The following INPP5D variants were observed in gnomAD, a reference collection of about 807,000 sequenced individuals.
INPP5D encodes phosphatidylinositol 3,4,5-trisphosphate 5-phosphatase 1.
A neutral mutation model predicts 122.9 loss-of-function variants in INPP5D; 33 were observed. The observed-to-expected ratio is 0.27, with a 90% CI of 0.20 to 0.36. The LOEUF is 0.36. Ranked by LOEUF, INPP5D falls within the 10% of genes least tolerant of loss-of-function variation. INPP5D has a pLI of 1.00. For missense variants in INPP5D, 1,053 were observed against 1,412.7 expected (o/e 0.75, Z 4.08); for synonymous variants, 584 against 576.2 (o/e 1.01, Z -0.19).
intron 2 of INPP5D, among the ~76,000 whole-genome samples, chr2:233,114,819 G>A (rs2106247432): frequency 6.6e-6 from 1 of 151,984 alleles, no homozygotes; most frequent in Non-Finnish European, 1.5e-5. Flanking sequence ...TGAAACAAAT[G>A]CTTTGGTGTG....
chr2:233,063,142 C>T (rs771355749), intron 1 of INPP5D, among the ~76,000 whole-genome samples: 77 of 152,226 alleles, frequency 5.1e-4, no homozygotes, highest in Admixed American at 1.3e-4. Context: ...GCAGGGCAGC[C>T]GGGTTTTCTG....
At chr2:233,204,784 G>T in intron 26 of INPP5D, 67 bp downstream of exon 26, 1 of 1,441,558 alleles carries the variant, frequency 6.9e-7, no homozygotes, top group Non-Finnish European at 9.1e-7. Context: ...GCGTATGTGT[G>T]TACCTATGCA....
At chr2:233,085,008 C>G (rs1268027076) in intron 2 of INPP5D, among the ~76,000 whole-genome samples, 1 of 152,218 alleles carries the variant, frequency 6.6e-6, no homozygotes, top group Admixed American at 6.5e-5. Flanking sequence ...TCTACACATT[C>G]AAGAGTAATT....
At chr2:233,185,321 G>A (rs138924400) in intron 20 of INPP5D, among the ~76,000 whole-genome samples, 188 of 152,234 alleles carry the variant, frequency 1.2e-3, no homozygotes, top group Non-Finnish European at 2.1e-3. Context: ...GTGCTAGAGC[G>A]GCCTTTGTCA....
intron 2 of INPP5D, among the ~76,000 whole-genome samples, chr2:233,097,221 G>T (rs1692168871): frequency 6.6e-6 from 1 of 152,224 alleles, no homozygotes; most frequent in African/African-American, 2.4e-5. Flanking sequence ...TCTTGACCCA[G>T]CTGCATAGGT....
At position 233,160,824 on chromosome 2, in the gene INPP5D, A is replaced by G. The variant is rs1436848669; in HGVS notation, c.1138-900A>G. Among the ~76,000 whole-genome samples the G allele has an allele frequency of 6.6e-6, 1 of 152,092 alleles. No individual in the cohort carries two copies. The highest frequency in any genetic ancestry group is 1.9e-4 in the East Asian group (1 of 5,176). ...TAATTTTTTTATTTTTTGTAGAGGC[A>G]GGGTTCCCCTATGTTGCCCAGGCTG... On this transcript the variant is annotated intron_variant, in intron 10 of 26. Coordinates refer to ENST00000445964, the MANE Select transcript of INPP5D (RefSeq NM_001017915.3). This position sits in a 1 kb window ranked among gnomAD's most constrained non-coding sequence, Gnocchi z 4.2.
At position 233,198,146 on chromosome 2, in the gene INPP5D, C is replaced by T; in HGVS notation, c.2745C>T (p.Tyr915=). Residue 915 remains tyrosine (Y), a synonymous_variant, in exon 25 of 27, where the codon TAC becomes TAT. Coordinates refer to ENST00000445964, the MANE Select transcript of INPP5D (RefSeq NM_001017915.3). ...TCACTGAAATCATCAACCCCAACTA[C>T]ATGGGAGTGGGGCCCTTTGGGCCAC... The part of the protein sequence containing the change: ...SSITEIINPN[Y]MGVGPFGPPM... 6.2e-7 allele frequency: 1 copy of T among 1,613,272 alleles called. No homozygotes were observed. Among genetic ancestry groups the T allele is most frequent in the Non-Finnish European group, 8.5e-7 (1 of 1,179,838 alleles).
At chr2:233,132,728 G>A (rs1241517725) in intron 5 of INPP5D, among the ~76,000 whole-genome samples, 2 of 151,964 alleles carry the variant, frequency 1.3e-5, no homozygotes, top group African/African-American at 2.4e-5. Flanking sequence ...TTCGTTCATC[G>A]AACAAACATG....
In INPP5D at chr2:233,177,101, G is replaced by A. The variant is rs887041606; in HGVS notation, c.1990-164G>A. Among the ~76,000 whole-genome samples, 1 of 152,078 alleles carries A rather than the reference G, an allele frequency of 6.6e-6. No homozygotes were observed. The highest frequency in any genetic ancestry group is 1.5e-5 in the Non-Finnish European group (1 of 68,004). The stretch of plus-strand genomic sequence containing the variant: ...AGGCGTGGCAGTGGAGTCTGGACTT[G>A]AGCCATGTGAAAAAAGTTTAAAGCC... On this transcript the variant is annotated intron_variant, in intron 17 of 26. Coordinates refer to ENST00000445964, the MANE Select transcript of INPP5D (RefSeq NM_001017915.3). The surrounding 1 kb of genome is among the most constrained non-coding windows in gnomAD (Gnocchi z 4.2).
intron 9 of INPP5D, among the ~76,000 whole-genome samples, chr2:233,148,113 A>G (rs1693817998): frequency 1.3e-5 from 2 of 152,270 alleles, no homozygotes; most frequent in South Asian, 4.1e-4. Context: ...AAATCAACTC[A>G]TCCATAAAAT....
At chr2:233,080,264 C>T (rs890113290) in intron 2 of INPP5D, among the ~76,000 whole-genome samples, 5 of 152,152 alleles carry the variant, frequency 3.3e-5, no homozygotes, top group East Asian at 1.9e-4. Context: ...CAGCTGCACC[C>T]GTCCAAGCCC....
At chr2:233,065,048 T>A (rs934351989) in intron 1 of INPP5D, among the ~76,000 whole-genome samples, 3 of 152,136 alleles carry the variant, frequency 2.0e-5, no homozygotes, top group Non-Finnish European at 4.4e-5. Context: ...TGTGCCGGGT[T>A]TTCTCTCTGC....
At position 233,207,675 on chromosome 2, in the gene INPP5D, G is replaced by C. The variant is rs989157890; in HGVS notation, c.*967G>C. On this transcript the variant is annotated 3_prime_UTR_variant, in exon 27 of 27. Coordinates refer to ENST00000445964, the MANE Select transcript of INPP5D (RefSeq NM_001017915.3). The surrounding 1 kb of genome is among the most constrained non-coding windows in gnomAD (Gnocchi z 4.6). ...GGGAGGGTGGGCCTCTTGGTTCCAGGCTCTTGAAATAGTGCAGCCTTTTCT... is the reference window on the plus strand; with the variant it reads ...GGGAGGGTGGGCCTCTTGGTTCCAGCCTCTTGAAATAGTGCAGCCTTTTCT... The C allele has an allele frequency of 3.3e-5, 5 of 152,356 alleles. No homozygotes were observed. Among genetic ancestry groups the C allele is most frequent in the African/African-American group, 1.2e-4 (5 of 41,454 alleles). The allele number at this position is 152,356 out of a possible 1,614,324, so 9.4% of individuals were successfully genotyped here. A position where few individuals can be genotyped will look rare whatever the true frequency, so the allele number is the denominator to read the frequency against.
chr2:233,139,466 C>CTGTGTGTGTGTGTGTGTGTGTG (rs1191977468), intron 5 of INPP5D, among the ~76,000 whole-genome samples: 13 of 147,550 alleles, frequency 8.8e-5, no homozygotes, highest in African/African-American at 3.0e-4. Context: ...TTGTTAACAC[C>CTGTGTGTGTGTGTGTGTGTGTG]TGTGTGTGTG....
chr2:233,204,796 ATG>A (rs1695449553), intron 26 of INPP5D, 79 bp downstream of exon 26: 1 of 1,240,912 alleles, frequency 8.1e-7, no homozygotes, highest in African/African-American at 1.6e-5. Flanking sequence ...ACCTATGCAT[ATG>A]TGTGTGCATG....
chr2:233,083,789 C>T (rs748020563), intron 2 of INPP5D, among the ~76,000 whole-genome samples: 2 of 152,156 alleles, frequency 1.3e-5, no homozygotes, highest in South Asian at 2.1e-4. Flanking sequence ...TGGCCTCAGA[C>T]GTGTCGCATA....
rs746873635 is a variant in INPP5D at position 233,189,163 on chromosome 2, G to A, written c.2359-687G>A. Among the ~76,000 whole-genome samples, 1 of 152,134 alleles carries A rather than the reference G, an allele frequency of 6.6e-6. No homozygotes were observed. Among genetic ancestry groups the A allele is most frequent in the African/African-American group, 2.4e-5 (1 of 41,414 alleles). ...GCAAAGCCTGTTAGCAGCCACCCCC[G>A]CTGCCAGCCAGGCCAGCAGGGCCTC... On this transcript the variant is annotated intron_variant, in intron 21 of 26. Transcript: ENST00000445964. This position sits in a 1 kb window ranked among gnomAD's most constrained non-coding sequence, Gnocchi z 5.6.
In INPP5D at chr2:233,177,415, C is replaced by T; in HGVS notation, c.2071+69C>T. ...GCACCAAGCTGGGAGGTGTGACTGC[C>T]CTAAAATCTAAGGGCTTCAGTCTGT... On this transcript the variant is annotated intron_variant, in intron 18 of 26. Transcript: ENST00000445964. The surrounding 1 kb of genome is among the most constrained non-coding windows in gnomAD (Gnocchi z 4.2). 1 of 1,610,400 alleles carries T rather than the reference C, an allele frequency of 6.2e-7. No individual in the cohort carries two copies. Among genetic ancestry groups the T allele is most frequent in the South Asian group, 1.1e-5 (1 of 90,812 alleles).
chr2:233,204,784 G>GTATGTGTC (rs1239256110), intron 26 of INPP5D, 67 bp downstream of exon 26: 1 of 1,441,402 alleles, frequency 6.9e-7, no homozygotes, highest in African/African-American at 1.4e-5. Flanking sequence ...GCGTATGTGT[G>GTATGTGTC]TACCTATGCA....
Sources: gnomAD v4.1 joint callset for allele counts (sites outside exome capture counted in the v4.1 genomes callset) on GRCh38, gnomAD v4.1.1 for gene constraint, Gnocchi (gnomAD v3.1) non-coding constraint, MANE v1.5 for transcripts, NCBI Gene and HGNC (gene_info 2026-07-23, HGNC 2026-07-21) for gene names.